GRID2: variants seen among roughly 807,000 people sequenced by gnomAD.
The protein encoded by GRID2 is glutamate receptor ionotropic, delta-2.
Under a neutral mutation model 114.8 loss-of-function variants are expected in GRID2, and 33 were observed. That is an observed-to-expected ratio of 0.29 (90% CI 0.22 to 0.38). The LOEUF (loss-of-function observed/expected upper bound fraction) is 0.38, where lower values mean the gene tolerates loss of function less well. Among genes scored for constraint, GRID2 ranks in the 10% least tolerant of loss-of-function variants. The probability of loss-of-function intolerance (pLI) is 1.00; values close to 1 mark genes in which losing one functional copy is unlikely to be tolerated. For synonymous variants in GRID2, 505 were observed against 449.9 expected, an observed-to-expected ratio of 1.12 and a Z score of -1.55; for missense variants, 1,184 against 1,257.7, an observed-to-expected ratio of 0.94 and a Z score of 0.89.
rs148042882 is a variant in GRID2 at position 92,594,225 on chromosome 4, T to G, written c.244+3939T>G. ...TGTATTATAGGACTTCAGTAAATAA[T>G]GTAAGGACTCAAAAAAGTAGCAGAT... On this transcript the variant is annotated intron_variant, in intron 2 of 15. Transcript: ENST00000282020. Among the ~76,000 whole-genome samples the G allele has an allele frequency of 1.1e-4, 16 of 151,966 alleles. No individual in the cohort carries two copies. The East Asian group carries it at 3.1e-3, about 29-fold the overall frequency.
chr4:93,562,999 A>G (rs1735069128), intron 13 of GRID2, among the ~76,000 whole-genome samples: 1 of 151,976 alleles, frequency 6.6e-6, no homozygotes. Context: ...CCTTCAAGTC[A>G]GGTAATGTCA....
At chr4:92,500,097 T>C (rs897665984) in intron 1 of GRID2, among the ~76,000 whole-genome samples, 6 of 152,206 alleles carry the variant, frequency 3.9e-5, no homozygotes, top group Non-Finnish European at 8.8e-5. Flanking sequence ...AATTCATCGG[T>C]CTTGAAGTGT....
intron 1 of GRID2, among the ~76,000 whole-genome samples, chr4:92,570,808 G>C (rs1727573622): frequency 6.6e-6 from 1 of 152,000 alleles, no homozygotes; most frequent in Non-Finnish European, 1.5e-5. Context: ...TTTATCTTGA[G>C]ACTTTGCTAA....
At chr4:93,580,861 C>A (rs1736910494) in intron 13 of GRID2, among the ~76,000 whole-genome samples, 1 of 138,614 alleles carries the variant, frequency 7.2e-6, no homozygotes, top group Non-Finnish European at 1.5e-5. Flanking sequence ...TGATGTATAG[C>A]ATTTGCAAAT....
At chr4:92,522,459 G>A (rs1724836205) in intron 1 of GRID2, among the ~76,000 whole-genome samples, 1 of 151,968 alleles carries the variant, frequency 6.6e-6, no homozygotes, top group African/African-American at 2.4e-5. Flanking sequence ...AGCAGGATCT[G>A]AGATCTGACT....
chr4:92,832,184 A>T (rs2149400095), intron 2 of GRID2, among the ~76,000 whole-genome samples: 1 of 152,204 alleles, frequency 6.6e-6, no homozygotes, highest in Non-Finnish European at 1.5e-5. Context: ...TCACTCCTGT[A>T]ATCCCAGCAC....
Position 93,179,981 on chromosome 4 carries a change from C to T in GRID2, c.736-27423C>T, listed in dbSNP as rs142529619. 2.1e-3 allele frequency among the ~76,000 whole-genome samples: 316 copies of T among 152,126 alleles called. 2 individuals are homozygous for T. Among genetic ancestry groups the T allele is most frequent in the African/African-American group, 7.3e-3 (302 of 41,522 alleles). ...ATTTTGCATTCTAACTCTCGGAATA[C>T]GTGCTGTTTGAAGTTCTCTCATTAC... On this transcript the variant is annotated intron_variant, in intron 4 of 15. Coordinates refer to ENST00000282020, the MANE Select transcript of GRID2 (RefSeq NM_001510.4).
chr4:92,917,271 G>A (rs1192781228), intron 2 of GRID2, among the ~76,000 whole-genome samples: 1 of 152,118 alleles, frequency 6.6e-6, no homozygotes, highest in African/African-American at 2.4e-5. Flanking sequence ...CCCTTTGTCA[G>A]ATGAGTAGAT....
Position 93,088,385 on chromosome 4 carries a change from G to C in GRID2, c.529+3106G>C, listed in dbSNP as rs529005435. On this transcript the variant is annotated intron_variant, in intron 3 of 15. Coordinates refer to ENST00000282020, the MANE Select transcript of GRID2 (RefSeq NM_001510.4). Reference sequence around the variant, plus strand: ...TTGCTCAGTGCAATGCAAACTATGAGATAAAAAGTATTACAAAACATAGTC... The same window carrying C: ...TTGCTCAGTGCAATGCAAACTATGACATAAAAAGTATTACAAAACATAGTC... 2.0e-3 allele frequency among the ~76,000 whole-genome samples: 307 copies of C among 152,224 alleles called. 2 individuals are homozygous for C. The highest frequency in any genetic ancestry group is 7.3e-3 in the African/African-American group (302 of 41,562).
rs565759118 is a variant in GRID2 at position 92,501,439 on chromosome 4, G to A, written c.89-88692G>A. On this transcript the variant is annotated intron_variant, in intron 1 of 15. Transcript: ENST00000282020. Reference sequence around the variant, plus strand: ...GCTTTCAATGTGCCCACAAAACAGGGTTGGCACAGGAGGAATGAAGGGAAT... The same window carrying A: ...GCTTTCAATGTGCCCACAAAACAGGATTGGCACAGGAGGAATGAAGGGAAT... Among the ~76,000 whole-genome samples, 132 of 152,282 alleles carry A rather than the reference G, an allele frequency of 8.7e-4. 2 individuals are homozygous for A. The highest frequency in any genetic ancestry group is 8.0e-3 in the Admixed American group (122 of 15,292).
intron 2 of GRID2, among the ~76,000 whole-genome samples, chr4:92,909,091 A>G (rs1748175742): frequency 6.6e-6 from 1 of 152,136 alleles, no homozygotes; most frequent in Non-Finnish European, 1.5e-5. Flanking sequence ...TTCAAAATAG[A>G]GCTTGGTAAG....
chr4:93,085,968 A>G (rs996660098), intron 3 of GRID2, among the ~76,000 whole-genome samples: 2 of 152,178 alleles, frequency 1.3e-5, no homozygotes, highest in African/African-American at 4.8e-5. Context: ...ATTAACAACT[A>G]AACAAAATAA....
intron 2 of GRID2, among the ~76,000 whole-genome samples, chr4:92,903,064 AG>A (rs1302298784): frequency 6.6e-6 from 1 of 151,872 alleles, no homozygotes; most frequent in Non-Finnish European, 1.5e-5. Flanking sequence ...TATTAATTTT[AG>A]GATTTTTTTT....
intron 4 of GRID2, among the ~76,000 whole-genome samples, chr4:93,163,356 G>GTGTATATA (rs1323439994): frequency 3.6e-5 from 2 of 56,274 alleles, no homozygotes; most frequent in African/African-American, 1.6e-4. Context: ...TTTTTTTTGT[G>GTGTATATA]TATATATATA....
At chr4:92,917,800 T>C (rs559627496) in intron 2 of GRID2, among the ~76,000 whole-genome samples, 43 of 152,304 alleles carry the variant, frequency 2.8e-4, no homozygotes, top group Admixed American at 5.2e-4. Flanking sequence ...TCCAGCTTTG[T>C]TCTTTTGGCT....
At position 92,384,851 on chromosome 4, in the gene GRID2, G is replaced by A. The variant is rs555054717; in HGVS notation, c.88+80107G>A. Among the ~76,000 whole-genome samples the A allele has an allele frequency of 3.9e-4, 58 of 149,798 alleles. No individual in the cohort carries two copies. The South Asian group carries it at 0.012, about 30-fold the overall frequency. Reference sequence around the variant, plus strand: ...CTTGAATTTTCAGACGGTATTGTCCGTAAAGATTCACGACGCATTCTAGGT... The same window carrying A: ...CTTGAATTTTCAGACGGTATTGTCCATAAAGATTCACGACGCATTCTAGGT... On this transcript the variant is annotated intron_variant, in intron 1 of 15. Coordinates refer to ENST00000282020, the MANE Select transcript of GRID2 (RefSeq NM_001510.4).
At chr4:92,814,372 T>G (rs371196318) in intron 2 of GRID2, among the ~76,000 whole-genome samples, 4 of 152,140 alleles carry the variant, frequency 2.6e-5, no homozygotes, top group East Asian at 3.9e-4. Flanking sequence ...ATAATAATTA[T>G]AAGGAGAAAC....
At chr4:93,298,433 T>C (rs557839166) in intron 8 of GRID2, among the ~76,000 whole-genome samples, 12 of 152,300 alleles carry the variant, frequency 7.9e-5, no homozygotes, top group African/African-American at 2.9e-4. Context: ...AAGCTCTCTA[T>C]GGTCCCTTTT....
chr4:93,109,274 A>G (rs1406216488), intron 3 of GRID2, among the ~76,000 whole-genome samples: 1 of 152,196 alleles, frequency 6.6e-6, no homozygotes, highest in Non-Finnish European at 1.5e-5. Context: ...TGAGTTTACC[A>G]CATAATTAAT....
Sources: gnomAD v4.1 joint callset for allele counts (sites outside exome capture counted in the v4.1 genomes callset) on GRCh38, gnomAD v4.1.1 for gene constraint, MANE v1.5 for transcripts, NCBI Gene and HGNC (gene_info 2026-07-23, HGNC 2026-07-21) for gene names.